ABCG2: variants seen among roughly 807,000 people sequenced by gnomAD.
ABCG2 encodes the protein broad substrate specificity ATP-binding cassette transporter ABCG2.
Under a neutral mutation model 73.5 loss-of-function variants are expected in ABCG2, and 80 were observed. That is an observed-to-expected ratio of 1.09 (90% CI 0.91 to 1.31). The LOEUF is 1.31. Among genes scored for constraint, ABCG2 ranks in the 50% most tolerant of loss-of-function variants. ABCG2 has a pLI of 0.00. For synonymous variants in ABCG2, 269 were observed against 282.4 expected, an observed-to-expected ratio of 0.95 and a Z score of 0.48; for missense variants, 796 against 786.2, an observed-to-expected ratio of 1.01 and a Z score of -0.15.
At chr4:88,142,709 G>T (rs1725725511) in intron 1 of ABCG2, among the ~76,000 whole-genome samples, 1 of 152,166 alleles carries the variant, frequency 6.6e-6, no homozygotes, top group African/African-American at 2.4e-5. Flanking sequence ...CACTTTGGGA[G>T]GTCAAGGCAG....
chr4:88,202,964 C>T (rs1729240626), intron 1 of ABCG2, among the ~76,000 whole-genome samples: 1 of 152,156 alleles, frequency 6.6e-6, no homozygotes, highest in African/African-American at 2.4e-5. Flanking sequence ...TACCTTTTCT[C>T]TTTCCCTTCC....
chr4:88,218,861 GT>G lies in ABCG2; in HGVS notation c.-20+12132del, dbSNP rs1173868660. On this transcript the variant is annotated intron_variant, in intron 1 of 15. Coordinates refer to the ABCG2 transcript ENST00000515655. ...ATTGGTTGGTTGGTAAACTTTTTCT[GT>G]AAAAGGCCAGATAGTGAATATTTTA... Among the ~76,000 whole-genome samples, 23 of 152,270 alleles carry G rather than the reference GT, an allele frequency of 1.5e-4. No homozygotes were observed. The South Asian group carries it at 2.9e-3, about 19-fold the overall frequency.
Position 88,132,607 on chromosome 4 carries a change from T to C in ABCG2, c.232A>G (p.Ile78Val), listed in dbSNP as rs1724971978. Reference protein sequence around the residue: ...NGIMKPGLNAILGPTGGGKSS... With the variant: ...NGIMKPGLNAVLGPTGGGKSS... ...TTGCCTCCACCTGTGGGTCCCAGGA[T>C]GGCGTTGAGACCAGGTTTCATGATC... Residue 78 changes from isoleucine to valine, a missense_variant, in exon 3 of 16, where the codon ATC becomes GTC. Physicochemically the swap from Ile to Val is conservative, Grantham distance 29 (BLOSUM62 3). Coordinates refer to ENST00000237612, the MANE Select transcript of ABCG2 (RefSeq NM_004827.3). The C allele has an allele frequency of 6.2e-7, 1 of 1,614,192 alleles. No homozygotes were observed. Among genetic ancestry groups the C allele is most frequent in the Non-Finnish European group, 8.5e-7 (1 of 1,180,012 alleles).
intron 1 of ABCG2, among the ~76,000 whole-genome samples, chr4:88,146,931 AAGGAAGGGAGGG>A (rs1222391040): frequency 2.9e-5 from 4 of 137,058 alleles, no homozygotes; most frequent in Admixed American, 1.5e-4. Flanking sequence ...AGGAAGAAGG[AAGGAAGGGAGGG>A]AGGAAGGGAG....
At chr4:88,194,191 G>A (rs1728832357) in intron 1 of ABCG2, among the ~76,000 whole-genome samples, 1 of 152,150 alleles carries the variant, frequency 6.6e-6, no homozygotes, top group Non-Finnish European at 1.5e-5. Context: ...AGTTCCTGTA[G>A]CTACCCTGGA....
chr4:88,159,259 C>G (rs991876831), upstream of ABCG2: 7 of 454,998 alleles, frequency 1.5e-5, no homozygotes, highest in Non-Finnish European at 2.2e-5. Context: ...GCCGAAGCAC[C>G]GGGGACGCTG....
intron 5 of ABCG2, among the ~76,000 whole-genome samples, chr4:88,124,542 A>G: frequency 6.6e-6 from 1 of 152,360 alleles, no homozygotes; most frequent in Non-Finnish European, 1.5e-5. Context: ...CTTAAAACCA[A>G]CAAAGATCAA....
intron 1 of ABCG2, among the ~76,000 whole-genome samples, chr4:88,228,838 C>T (rs1171016630): frequency 5.3e-5 from 8 of 151,728 alleles, no homozygotes; most frequent in South Asian, 2.1e-4. Context: ...CACCAATCAG[C>T]GCTCTGTGTC....
rs757288072 is a variant in ABCG2, at chr4:88,097,594, C to T, written c.1506G>A (p.Lys502=). The T allele has an allele frequency of 3.1e-6, 5 of 1,613,990 alleles. No homozygotes were observed. Among genetic ancestry groups the T allele is most frequent in the Admixed American group, 1.7e-5 (1 of 60,014 alleles). ...IVYFMLGLKP[K]ADAFFVMMFT... The stretch of plus-strand genomic sequence containing the variant: ...ACATCATAACGAAGAAGGCATCTGC[C>T]TTTGGCTTCAATCCTTAGTCAGAAA... The change falls in exon 13 of 16, where the codon AAG becomes AAA. Residue 502 remains lysine (K), a synonymous_variant. Coordinates refer to ENST00000237612, the MANE Select transcript of ABCG2 (RefSeq NM_004827.3).
At chr4:88,222,439 G>A (rs928915232) in intron 1 of ABCG2, among the ~76,000 whole-genome samples, 9 of 152,138 alleles carry the variant, frequency 5.9e-5, no homozygotes, top group African/African-American at 2.2e-4. Context: ...TCTCGTGATA[G>A]TGAATGAGTC....
intron 1 of ABCG2, among the ~76,000 whole-genome samples, chr4:88,178,576 T>TACC (rs1379369831): frequency 6.6e-6 from 1 of 152,176 alleles, no homozygotes; most frequent in Non-Finnish European, 1.5e-5. Flanking sequence ...GCAGCGTAGG[T>TACC]ACCAGCTCAG....
intron 1 of ABCG2, among the ~76,000 whole-genome samples, chr4:88,220,978 C>T (rs901179793): frequency 1.3e-5 from 2 of 152,114 alleles, no homozygotes; most frequent in African/African-American, 4.8e-5. Context: ...TATAAATTAC[C>T]CAGTCTCTGG....
chr4:88,208,386 A>G (rs780806373), intron 1 of ABCG2, among the ~76,000 whole-genome samples: 1 of 152,230 alleles, frequency 6.6e-6, no homozygotes, highest in Non-Finnish European at 1.5e-5. Context: ...GAAGGGCCAC[A>G]CAGAGCACAC....
At chr4:88,221,807 A>C (rs1257078445) in intron 1 of ABCG2, among the ~76,000 whole-genome samples, 1 of 152,196 alleles carries the variant, frequency 6.6e-6, no homozygotes, top group African/African-American at 2.4e-5. Flanking sequence ...GCAGAGCATA[A>C]AAGTTTGGAA....
At chr4:88,183,580 T>C (rs577567997) in intron 1 of ABCG2, among the ~76,000 whole-genome samples, 8 of 152,204 alleles carry the variant, frequency 5.3e-5, no homozygotes, top group African/African-American at 1.9e-4. Context: ...ATAAAAAGTC[T>C]CCTAGCAAAG....
At chr4:88,192,893 A>G (rs1394425732) in intron 1 of ABCG2, among the ~76,000 whole-genome samples, 1 of 148,658 alleles carries the variant, frequency 6.7e-6, no homozygotes, top group African/African-American at 2.5e-5. Context: ...TTGTATTTTT[A>G]GTAAAGACGG....
intron 1 of ABCG2, among the ~76,000 whole-genome samples, chr4:88,157,448 T>G (rs887302900): frequency 1.3e-5 from 2 of 152,228 alleles, no homozygotes; most frequent in African/African-American, 4.8e-5. Context: ...GTTCATTGTA[T>G]TATAGTAGCA....
At chr4:88,103,574 T>C (rs958902718) in intron 10 of ABCG2, among the ~76,000 whole-genome samples, 8 of 152,274 alleles carry the variant, frequency 5.3e-5, no homozygotes, top group Non-Finnish European at 7.3e-5. Context: ...ATTTATTTTT[T>C]GTGGTAAAAG....
At chr4:88,182,842 T>G (rs1728311852) in intron 1 of ABCG2, among the ~76,000 whole-genome samples, 1 of 151,922 alleles carries the variant, frequency 6.6e-6, no homozygotes, top group Non-Finnish European at 1.5e-5. Context: ...TCCTAGCACT[T>G]TGGGAGGCCA....
Sources: gnomAD v4.1 joint callset for allele counts (sites outside exome capture counted in the v4.1 genomes callset) on GRCh38, gnomAD v4.1.1 for gene constraint, MANE v1.5 for transcripts, NCBI Gene and HGNC (gene_info 2026-07-23, HGNC 2026-07-21) for gene names.